The following SSPN variants were observed in gnomAD, a reference collection of about 807,000 sequenced individuals.
The protein encoded by SSPN is K-ras oncogene-associated protein.
A neutral mutation model predicts 19.1 loss-of-function variants in SSPN; 15 were observed. That is an observed-to-expected ratio of 0.78 (90% CI 0.52 to 1.21). The LOEUF is 1.21. SSPN is among the 50% of genes most tolerant of loss of function. SSPN has a pLI of 0.00. For synonymous variants in SSPN, 147 were observed against 140.3 expected (o/e 1.05, Z -0.34); for missense variants, 291 against 314.0 (o/e 0.93, Z 0.55).
intron 2 of SSPN, among the ~76,000 whole-genome samples, chr12:26,226,478 G>C (rs546149506): frequency 1.3e-5 from 2 of 152,162 alleles, no homozygotes; most frequent in Non-Finnish European, 1.5e-5. Context: ...CCTCCCTTTC[G>C]CTTAGAGAAA....
At chr12:26,161,984 C>A (rs572349446) in intron 1 of SSPN, among the ~76,000 whole-genome samples, 56 of 152,178 alleles carry the variant, frequency 3.7e-4, no homozygotes, top group African/African-American at 1.3e-3. Context: ...GTCCGTGGCC[C>A]GGGGGTTGGG....
intron 1 of SSPN, among the ~76,000 whole-genome samples, chr12:26,138,911 T>C (rs1944444049): frequency 6.6e-6 from 1 of 152,300 alleles, no homozygotes; most frequent in African/African-American, 2.4e-5. Flanking sequence ...ATCATGAATT[T>C]GCTATGAATA....
At chr12:26,152,216 G>A (rs1312454447) in intron 1 of SSPN, among the ~76,000 whole-genome samples, 1 of 152,110 alleles carries the variant, frequency 6.6e-6, no homozygotes, top group Non-Finnish European at 1.5e-5. Flanking sequence ...ACCGATGTGA[G>A]GCCACTGCTT....
At position 26,127,872 on chromosome 12, in the gene SSPN, T is replaced by TA. The variant is rs146062662; in HGVS notation, c.-31+5721dup. 4.5e-4 allele frequency among the ~76,000 whole-genome samples: 69 copies of TA among 152,370 alleles called. No individual in the cohort carries two copies. In the East Asian group the frequency reaches 0.012, roughly 26 times the overall value. Reference sequence around the variant, plus strand: ...TTGGGCATAGTTTGATGCCTCTGAATATCCCTTTGCGCAAGAAGGGTGTAA... The same window carrying TA: ...TTGGGCATAGTTTGATGCCTCTGAATAATCCCTTTGCGCAAGAAGGGTGTAA... On this transcript the variant is annotated intron_variant, in intron 1 of 2. Transcript: ENST00000538142.
chr12:26,212,871 A>C (rs1945005341), intron 1 of SSPN, among the ~76,000 whole-genome samples: 1 of 151,982 alleles, frequency 6.6e-6, no homozygotes, highest in South Asian at 2.1e-4. Context: ...TTTTTTTTCA[A>C]GGTTATAATT....
At chr12:26,195,431 G>T, upstream of SSPN, 2 of 630,742 alleles carry the variant, frequency 3.2e-6, no homozygotes, top group Non-Finnish European at 2.3e-6. Flanking sequence ...TGCAAATCCT[G>T]CCCGGGGCCC....
At chr12:26,139,030 T>A (rs1944444653) in intron 1 of SSPN, among the ~76,000 whole-genome samples, 2 of 152,180 alleles carry the variant, frequency 1.3e-5, no homozygotes, top group African/African-American at 4.8e-5. Context: ...TGCTGGTAAA[T>A]GTTTAACTGG....
chr12:26,204,288 A>ATAT (rs1944911945), intron 1 of SSPN, among the ~76,000 whole-genome samples: 1 of 152,134 alleles, frequency 6.6e-6, no homozygotes, highest in Non-Finnish European at 1.5e-5. Context: ...AGACATATGG[A>ATAT]GGAAGCTGTT....
At chr12:26,201,320 G>A (rs1455034487) in intron 1 of SSPN, among the ~76,000 whole-genome samples, 2 of 151,176 alleles carry the variant, frequency 1.3e-5, no homozygotes, top group Non-Finnish European at 2.9e-5. Flanking sequence ...AGAGGTTGCA[G>A]TGAGCTGAGA....
rs770083050 is a variant in SSPN, at chr12:26,146,818, T to TAAAAAAA, written c.-31+24672_-31+24678dup. Among the ~76,000 whole-genome samples the TAAAAAAA allele has an allele frequency of 1.3e-4, 14 of 105,174 alleles. 1 individual carries two copies. Among genetic ancestry groups the TAAAAAAA allele is most frequent in the South Asian group, 6.8e-4 (2 of 2,922 alleles). The allele number at this position is 105,174 out of a possible 152,430, so 69.0% of individuals were successfully genotyped here. ...GCCTGGGCGACAGAGCAAGGCTGTC[T>TAAAAAAA]AAAAAAAAAAAAGAAAGAAATCATT... On this transcript the variant is annotated intron_variant, in intron 1 of 2. Coordinates refer to the SSPN transcript ENST00000538142.
At chr12:26,207,819 C>A (rs186855343) in intron 1 of SSPN, among the ~76,000 whole-genome samples, 3 of 151,938 alleles carry the variant, frequency 2.0e-5, no homozygotes, top group Admixed American at 6.6e-5. Context: ...GGCAAAACCC[C>A]GTCTCTACAA....
chr12:26,199,566 G>T (rs1944860156), intron 1 of SSPN, among the ~76,000 whole-genome samples: 1 of 152,244 alleles, frequency 6.6e-6, no homozygotes. Flanking sequence ...GGACAGAGAA[G>T]TGTGTTCTGC....
intron 1 of SSPN, among the ~76,000 whole-genome samples, chr12:26,181,843 G>A (rs942919710): frequency 6.6e-6 from 1 of 152,158 alleles, no homozygotes; most frequent in African/African-American, 2.4e-5. Context: ...AAATGGAAAC[G>A]TATATGTAGA....
intron 1 of SSPN, among the ~76,000 whole-genome samples, chr12:26,172,310 G>A (rs982739934): frequency 1.3e-5 from 2 of 152,078 alleles, no homozygotes; most frequent in Admixed American, 6.5e-5. Context: ...AGGACTTTTT[G>A]TGGAAAAGTC....
intron 1 of SSPN, chr12:26,123,016 G>GC: frequency 6.4e-7 from 1 of 1,571,176 alleles, no homozygotes; most frequent in Non-Finnish European, 8.6e-7. Context: ...GCCACGGCGT[G>GC]CAAGTGGTTG....
At chr12:26,187,118 T>A (rs1944758963) in intron 1 of SSPN, among the ~76,000 whole-genome samples, 1 of 152,234 alleles carries the variant, frequency 6.6e-6, no homozygotes, top group Admixed American at 6.5e-5. Context: ...CCTTGTCTCA[T>A]GCCTAGTGGA....
At chr12:26,206,555 G>A (rs1944932850) in intron 1 of SSPN, among the ~76,000 whole-genome samples, 1 of 152,128 alleles carries the variant, frequency 6.6e-6, no homozygotes, top group Admixed American at 6.5e-5. Flanking sequence ...TCTAGAATGG[G>A]ACCTAATTTG....
chr12:26,123,914 G>A, intron 1 of SSPN: 2 of 741,462 alleles, frequency 2.7e-6, no homozygotes, highest in East Asian at 5.3e-5. Flanking sequence ...GCCTTCAGCT[G>A]GGAGCACCTA....
At chr12:26,187,034 A>G (rs991326872) in intron 1 of SSPN, among the ~76,000 whole-genome samples, 2 of 152,224 alleles carry the variant, frequency 1.3e-5, no homozygotes, top group Non-Finnish European at 2.9e-5. Context: ...GTCTTCAAGT[A>G]GTGGGAAAGG....
Sources: gnomAD v4.1 joint callset for allele counts (sites outside exome capture counted in the v4.1 genomes callset) on GRCh38, gnomAD v4.1.1 for gene constraint, MANE v1.5 for transcripts, NCBI Gene and HGNC (gene_info 2026-07-23, HGNC 2026-07-21) for gene names.